Variants in TMEM45A observed in about 807,000 individuals in gnomAD.
TMEM45A encodes transmembrane protein 45A.
In TMEM45A, 25 loss-of-function variants were observed where a neutral mutation model predicts 32.0. That is an observed-to-expected ratio of 0.78 (90% confidence interval 0.57 to 1.09). The LOEUF is 1.09. TMEM45A is among the 50% of genes least tolerant of loss of function. TMEM45A has a pLI of 0.00. For missense variants in TMEM45A, 302 were observed against 325.0 expected (o/e 0.93, Z 0.54); for synonymous variants, 122 against 114.8 (o/e 1.06, Z -0.40).
In TMEM45A at chr3:100,568,802, C is replaced by T. The variant is rs199920925; in HGVS notation, c.589-20C>T. 9.2e-5 allele frequency: 146 copies of T among 1,578,756 alleles called. 1 individual carries two copies. Among genetic ancestry groups the T allele is most frequent in the African/African-American group, 2.0e-4 (15 of 74,168 alleles). ...ATGTGATTGGTTATTTTAATATATG[C>T]TTTTTGTTCTAAATTACAGATTGGA... On this transcript the variant is annotated intron_variant, in intron 4 of 5. Coordinates refer to ENST00000323523, the MANE Select transcript of TMEM45A (RefSeq NM_018004.3).
chr3:100,507,292 G>A (rs906459349), intron 1 of TMEM45A, among the ~76,000 whole-genome samples: 1 of 152,154 alleles, frequency 6.6e-6, no homozygotes, highest in African/African-American at 2.4e-5. Context: ...TTCCCACTCT[G>A]CCTATACAGA....
At chr3:100,553,799 T>C in intron 1 of TMEM45A, among the ~76,000 whole-genome samples, 1 of 152,238 alleles carries the variant, frequency 6.6e-6, no homozygotes, top group East Asian at 1.9e-4. Flanking sequence ...TGTGATATAT[T>C]GAGTCTGAGA....
chr3:100,559,665 T>C (rs950841776), intron 4 of TMEM45A, among the ~76,000 whole-genome samples: 1 of 152,094 alleles, frequency 6.6e-6, no homozygotes. Flanking sequence ...TATATACACG[T>C]ATTCCTATTC....
chr3:100,548,092 T>G (rs974701619), intron 1 of TMEM45A, among the ~76,000 whole-genome samples: 1 of 152,138 alleles, frequency 6.6e-6, no homozygotes, highest in South Asian at 2.1e-4. Flanking sequence ...CAAAATAAGA[T>G]AAAATAAATA....
intron 1 of TMEM45A, among the ~76,000 whole-genome samples, chr3:100,539,432 G>GATATGCATATGCATATGC (rs1183330652): frequency 0.012 from 1,011 of 83,084 alleles, 27 homozygotes; most frequent in Non-Finnish European, 0.021. Flanking sequence ...AACCCAATAG[G>GATATGCATATGCATATGC]ATATGTATAT....
chr3:100,528,676 C>T (rs1705592992), intron 1 of TMEM45A, among the ~76,000 whole-genome samples: 1 of 152,156 alleles, frequency 6.6e-6, no homozygotes, highest in Non-Finnish European at 1.5e-5. Context: ...CTGCTCAGCT[C>T]TCTTTTTTTT....
intron 1 of TMEM45A, among the ~76,000 whole-genome samples, chr3:100,511,818 G>A (rs561104535): frequency 6.6e-6 from 1 of 152,058 alleles, no homozygotes; most frequent in Non-Finnish European, 1.5e-5. Flanking sequence ...GGCAGGGGTT[G>A]CAATTCTCCT....
At chr3:100,567,820 T>G (rs1417758324) in intron 4 of TMEM45A, among the ~76,000 whole-genome samples, 1 of 152,204 alleles carries the variant, frequency 6.6e-6, no homozygotes, top group East Asian at 1.9e-4. Context: ...AGACTTGCTC[T>G]GTCGCCCAGG....
At chr3:100,539,490 T>TATACGTATACGTATAC (rs1383500797) in intron 1 of TMEM45A, among the ~76,000 whole-genome samples, 128 of 72,376 alleles carry the variant, frequency 1.8e-3, no homozygotes, top group Non-Finnish European at 2.8e-3. Context: ...TATATGTATA[T>TATACGTATACGTATAC]GTATACGTAT....
At chr3:100,557,083 A>G in intron 3 of TMEM45A, 111 bp downstream of exon 3, 1 of 1,166,788 alleles carries the variant, frequency 8.6e-7, no homozygotes, top group Admixed American at 1.8e-5. Context: ...TGATAGGACC[A>G]TATATCTGGG....
In TMEM45A at chr3:100,493,505, G is replaced by T. The variant is rs566212718; in HGVS notation, c.-4+577G>T. Among the ~76,000 whole-genome samples the T allele has an allele frequency of 3.3e-5, 5 of 152,020 alleles. No individual in the cohort carries two copies. In the East Asian group the frequency reaches 9.7e-4, roughly 29 times the overall value. ...CGGTATTCTCCTATCCATAGTGGGA[G>T]ACCTGAATTCCTTTATAATTGTTAA... On this transcript the variant is annotated intron_variant, in intron 1 of 5. Coordinates refer to ENST00000323523, the MANE Select transcript of TMEM45A (RefSeq NM_018004.3).
intron 1 of TMEM45A, among the ~76,000 whole-genome samples, chr3:100,554,028 C>G (rs1261950312): frequency 6.6e-6 from 1 of 152,164 alleles, no homozygotes; most frequent in African/African-American, 2.4e-5. Context: ...CAGGGGAAAT[C>G]CTGAAATCTC....
chr3:100,497,450 A>C (rs767788259), intron 1 of TMEM45A, among the ~76,000 whole-genome samples: 16 of 152,210 alleles, frequency 1.1e-4, no homozygotes, highest in Non-Finnish European at 1.8e-4. Context: ...TATACAGTTC[A>C]ATGGCATTAA....
At chr3:100,568,168 C>T (rs1559654312) in intron 4 of TMEM45A, among the ~76,000 whole-genome samples, 1 of 152,164 alleles carries the variant, frequency 6.6e-6, no homozygotes, top group Non-Finnish European at 1.5e-5. Flanking sequence ...TTGTATCCTG[C>T]TATTATGCTG....
intron 4 of TMEM45A, among the ~76,000 whole-genome samples, chr3:100,563,334 C>T (rs1025241441): frequency 1.3e-5 from 2 of 152,210 alleles, no homozygotes; most frequent in African/African-American, 2.4e-5. Flanking sequence ...ATTACCTCTG[C>T]AAATACTCTG....
chr3:100,513,047 C>T (rs1708194119), intron 1 of TMEM45A, among the ~76,000 whole-genome samples: 1 of 148,762 alleles, frequency 6.7e-6, no homozygotes, highest in Non-Finnish European at 1.5e-5. Context: ...ACCAGAGGTA[C>T]AAGGAGGAAC....
intron 1 of TMEM45A, among the ~76,000 whole-genome samples, chr3:100,506,066 C>G (rs1559633924): frequency 6.6e-6 from 1 of 152,144 alleles, no homozygotes; most frequent in Non-Finnish European, 1.5e-5. Flanking sequence ...TGTGGGGAAA[C>G]TACTGGAGAC....
intron 1 of TMEM45A, among the ~76,000 whole-genome samples, chr3:100,503,086 C>T (rs1485808688): frequency 6.6e-6 from 1 of 151,540 alleles, no homozygotes; most frequent in East Asian, 1.9e-4. Context: ...CCTCCTTCTT[C>T]CTCTTCTTCC....
intron 1 of TMEM45A, among the ~76,000 whole-genome samples, chr3:100,549,619 C>T (rs1211013680): frequency 6.6e-6 from 1 of 152,198 alleles, no homozygotes; most frequent in Non-Finnish European, 1.5e-5. Flanking sequence ...GGTTTACCTG[C>T]TCATGCTAGA....
Sources: allele counts gnomAD v4.1 joint callset (sites outside exome capture counted in the v4.1 genomes callset), GRCh38; gene constraint gnomAD v4.1.1; transcripts MANE v1.5; gene names NCBI Gene and HGNC (gene_info 2026-07-23, HGNC 2026-07-21).